The following ANKFN1 variants were observed in gnomAD, a reference collection of about 807,000 sequenced individuals.
ANKFN1 encodes ankyrin repeat and fibronectin type III domain containing 1, also known as ankyrin repeat and fibronectin type-III domain-containing protein 1.
ANKFN1 carries 74 observed loss-of-function variants against 108.7 expected under a neutral mutation model. That is an observed-to-expected ratio of 0.68 (90% CI 0.56 to 0.83). ANKFN1 has a LOEUF of 0.83. ANKFN1 is among the 40% of genes least tolerant of loss of function. ANKFN1 has a pLI of 0.00. For synonymous variants in ANKFN1, 547 were observed against 516.2 expected (o/e 1.06, Z -0.81); for missense variants, 1,505 against 1,382.3 (o/e 1.09, Z -1.41).
chr17:56,457,222 G>T, intron 12 of ANKFN1, 35 bp from the exon 13 acceptor site: 1 of 1,526,928 alleles, frequency 6.5e-7, no homozygotes, highest in South Asian at 1.3e-5. Flanking sequence ...CAAGATGGTT[G>T]AGGACAATGC....
chr17:56,515,834 T>G lies in ANKFN1; in HGVS notation c.*4565T>G, dbSNP rs144188337. On this transcript the variant is annotated 3_prime_UTR_variant, in exon 21 of 21. Transcript: ENST00000682825. ...TCTTCTATTTCCACTAATAATGACT[T>G]TGTAAAACAGTTATTCAAAAGGATG... Among the ~76,000 whole-genome samples the G allele has an allele frequency of 4.5e-4, 69 of 152,354 alleles. 7 individuals are homozygous for G. The highest frequency in any genetic ancestry group is 8.7e-4 in the African/African-American group (36 of 41,582).
chr17:56,188,543 A>ATGTGTGTGTG lies in ANKFN1; in HGVS notation c.-70-24054_-70-24053insGTGTGTGTGT, dbSNP rs1466873294. Among the ~76,000 whole-genome samples, 108 of 74,098 alleles carry ATGTGTGTGTG rather than the reference A, an allele frequency of 1.5e-3. 13 individuals carry two copies. Among genetic ancestry groups the ATGTGTGTGTG allele is most frequent in the African/African-American group, 7.8e-3 (86 of 11,032 alleles). The allele number at this position is 74,098 out of a possible 152,430, so 48.6% of individuals were successfully genotyped here. On this transcript the variant is annotated intron_variant, in intron 1 of 20. Transcript: ENST00000682825. The stretch of plus-strand genomic sequence containing the variant: ...ATATATAAGAAATAAAATAAGATGT[A>ATGTGTGTGTG]TATGTGTGTGTGTGTGTGTATGTGT...
chr17:56,437,858 G>A (rs1325642870), intron 8 of ANKFN1, among the ~76,000 whole-genome samples: 1 of 151,948 alleles, frequency 6.6e-6, no homozygotes, highest in Non-Finnish European at 1.5e-5. Flanking sequence ...TTAATCATTT[G>A]ATTCTAACTA....
chr17:56,300,581 C>G lies in ANKFN1; in HGVS notation c.54-25640C>G, dbSNP rs187796963. On this transcript the variant is annotated intron_variant, in intron 3 of 20. Coordinates refer to ENST00000682825, the MANE Select transcript of ANKFN1 (RefSeq NM_001370326.1). The stretch of plus-strand genomic sequence containing the variant: ...TAGCCTTTCCTCTCTCCCTTAGACA[C>G]AGGAAATTGTTTTTTTTTTTTTTTT... Among the ~76,000 whole-genome samples the G allele has an allele frequency of 7.3e-4, 108 of 148,470 alleles. 2 individuals are homozygous for G. Among genetic ancestry groups the G allele is most frequent in the African/African-American group, 2.7e-3 (105 of 38,928 alleles).
At chr17:56,157,680 A>C (rs1909245445) in intron 1 of ANKFN1, among the ~76,000 whole-genome samples, 2 of 152,306 alleles carry the variant, frequency 1.3e-5, no homozygotes, top group South Asian at 4.1e-4. Flanking sequence ...GCTCTCCTAC[A>C]TGGACTCCAC....
intron 3 of ANKFN1, among the ~76,000 whole-genome samples, chr17:56,235,148 C>T (rs1025196315): frequency 2.0e-5 from 3 of 152,054 alleles, no homozygotes; most frequent in African/African-American, 7.2e-5. Context: ...ACATGTATGT[C>T]TTCTTTTGCA....
intron 6 of ANKFN1, among the ~76,000 whole-genome samples, chr17:56,357,118 G>A (rs1157525804): frequency 6.6e-6 from 1 of 152,122 alleles, no homozygotes; most frequent in African/African-American, 2.4e-5. Context: ...AGGACAAATG[G>A]TGGGAGATAA....
At chr17:56,321,992 A>C (rs936195708) in intron 3 of ANKFN1, among the ~76,000 whole-genome samples, 5 of 152,130 alleles carry the variant, frequency 3.3e-5, no homozygotes, top group African/African-American at 1.2e-4. Context: ...AATGGCCCTC[A>C]ATGTTGCTAG....
chr17:56,259,132 A>C (rs1247290224), intron 3 of ANKFN1, among the ~76,000 whole-genome samples: 2 of 152,138 alleles, frequency 1.3e-5, no homozygotes, highest in African/African-American at 4.8e-5. Context: ...GGGAACAAAG[A>C]TGCAGAAAGG....
At chr17:56,046,911 T>C (rs1904687951) in intron 4 of ANKFN1, among the ~76,000 whole-genome samples, 1 of 152,228 alleles carries the variant, frequency 6.6e-6, no homozygotes, top group African/African-American at 2.4e-5. Flanking sequence ...CCTCTCAGCC[T>C]GGGGAAAATA....
chr17:56,278,280 G>A (rs1053472989), intron 3 of ANKFN1, among the ~76,000 whole-genome samples: 1 of 152,130 alleles, frequency 6.6e-6, no homozygotes, highest in Non-Finnish European at 1.5e-5. Context: ...ATCCCTGAGG[G>A]ATTCCTTCTC....
chr17:56,429,186 AAAAAT>A (rs1046309536), intron 8 of ANKFN1, among the ~76,000 whole-genome samples: 1 of 152,236 alleles, frequency 6.6e-6, no homozygotes, highest in African/African-American at 2.4e-5. Context: ...GATAAGTGAA[AAAAAT>A]AAAATAAGAT....
chr17:56,406,909 G>A (rs1403960767), intron 8 of ANKFN1, among the ~76,000 whole-genome samples: 3 of 152,118 alleles, frequency 2.0e-5, no homozygotes, highest in Non-Finnish European at 4.4e-5. Context: ...AAACTGCCAT[G>A]GTTCATGTAT....
At chr17:56,191,797 C>A (rs1440882313) in intron 1 of ANKFN1, among the ~76,000 whole-genome samples, 1 of 148,182 alleles carries the variant, frequency 6.7e-6, no homozygotes, top group African/African-American at 2.5e-5. Flanking sequence ...TGGATAATAT[C>A]CTGCAGAGTG....
intron 4 of ANKFN1, among the ~76,000 whole-genome samples, chr17:56,123,950 C>A (rs1196889033): frequency 6.6e-6 from 1 of 152,050 alleles, no homozygotes; most frequent in Non-Finnish European, 1.5e-5. Context: ...TCAGTAAGAA[C>A]CCCCAGAAGG....
At position 56,475,281 on chromosome 17, in the gene ANKFN1, C is replaced by T. The variant is rs193145948; in HGVS notation, c.1774-2207C>T. Among the ~76,000 whole-genome samples the T allele has an allele frequency of 1.2e-3, 176 of 152,314 alleles. 2 individuals carry two copies. Among genetic ancestry groups the T allele is most frequent in the African/African-American group, 4.0e-3 (166 of 41,552 alleles). ...ATATTGTGATCATCTGTTTACTTCT[C>T]CTTTTTGACCTCCTCAAAAGTAGGG... On this transcript the variant is annotated intron_variant, in intron 15 of 20. Transcript: ENST00000682825.
At chr17:56,257,230 G>C (rs1222770120) in intron 3 of ANKFN1, among the ~76,000 whole-genome samples, 1 of 152,182 alleles carries the variant, frequency 6.6e-6, no homozygotes, top group African/African-American at 2.4e-5. Context: ...ACTTGGAGTA[G>C]AGATGTCATT....
chr17:56,214,942 G>C (rs754646480), intron 2 of ANKFN1, among the ~76,000 whole-genome samples: 3 of 152,180 alleles, frequency 2.0e-5, no homozygotes, highest in Non-Finnish European at 2.9e-5. Flanking sequence ...TTGCCCCAAG[G>C]CCTCTAGCTT....
At chr17:56,300,048 G>T (rs2044629579) in intron 3 of ANKFN1, among the ~76,000 whole-genome samples, 2 of 152,180 alleles carry the variant, frequency 1.3e-5, no homozygotes, top group Admixed American at 1.3e-4. Context: ...TCTGTCTTGA[G>T]AAATCTGCCA....
Sources: allele counts gnomAD v4.1 joint callset (sites outside exome capture counted in the v4.1 genomes callset), GRCh38; gene constraint gnomAD v4.1.1; transcripts MANE v1.5; gene names NCBI Gene and HGNC (gene_info 2026-07-23, HGNC 2026-07-21).